Variants in PRKG1 observed in about 807,000 individuals in gnomAD.
The protein encoded by PRKG1 is protein kinase cGMP-dependent 1.
A neutral mutation model predicts 88.1 loss-of-function variants in PRKG1; 35 were observed. The observed-to-expected ratio is 0.40, with a 90% confidence interval of 0.30 to 0.53. The LOEUF (loss-of-function observed/expected upper bound fraction) is 0.53, where lower values mean the gene tolerates loss of function less well. PRKG1 is among the 20% of genes least tolerant of loss of function. The probability of loss-of-function intolerance (pLI) is 0.59; values close to 1 mark genes in which losing one functional copy is unlikely to be tolerated. For synonymous variants in PRKG1, 303 were observed against 292.5 expected (o/e 1.04, Z -0.37); for missense variants, 540 against 839.8 (o/e 0.64, Z 4.41).
At chr10:51,771,887 C>T (rs1432579009) in intron 3 of PRKG1, among the ~76,000 whole-genome samples, 2 of 152,098 alleles carry the variant, frequency 1.3e-5, no homozygotes, top group Non-Finnish European at 2.9e-5. Flanking sequence ...TAACAGTAAT[C>T]ATTACCCCCA....
chr10:51,118,847 G>A (rs1360238526), intron 1 of PRKG1, among the ~76,000 whole-genome samples: 1 of 152,074 alleles, frequency 6.6e-6, no homozygotes, highest in Non-Finnish European at 1.5e-5. Context: ...ATTCTTGCTG[G>A]AACAAGCTAG....
At chr10:51,690,948 AAAAG>A (rs1224290249) in intron 3 of PRKG1, among the ~76,000 whole-genome samples, 1 of 150,342 alleles carries the variant, frequency 6.7e-6, no homozygotes, top group Non-Finnish European at 1.5e-5. Context: ...AAAAAAAAAA[AAAAG>A]AATTACGTTC....
chr10:51,744,680 A>G (rs559139054), intron 3 of PRKG1, among the ~76,000 whole-genome samples: 11 of 152,246 alleles, frequency 7.2e-5, no homozygotes, highest in African/African-American at 2.6e-4. Context: ...GAGATTTTTG[A>G]GCTTTTAAGG....
chr10:51,008,034 A>T (rs1365060315), intron 1 of PRKG1, among the ~76,000 whole-genome samples: 1 of 152,204 alleles, frequency 6.6e-6, no homozygotes, highest in African/African-American at 2.4e-5. Flanking sequence ...GTCTGGCTCT[A>T]GGGCTCTGAC....
At chr10:51,900,104 T>G (rs978487813) in intron 4 of PRKG1, among the ~76,000 whole-genome samples, 1 of 152,160 alleles carries the variant, frequency 6.6e-6, no homozygotes, top group African/African-American at 2.4e-5. Context: ...CTTCTTTTCT[T>G]TGTAAATTAC....
rs964401069 is a variant in PRKG1, at chr10:52,251,889, T to C, written c.1173+223T>C. The C allele has an allele frequency of 2.3e-5, 10 of 440,928 alleles. No individual in the cohort carries two copies. The Admixed American group carries it at 3.5e-4, about 15-fold the overall frequency. 27.3% of individuals were successfully genotyped at this position (440,928 alleles called of 1,614,324 possible). ...AAAAATAAAATAACACCTTGCTTTT[T>C]AGAAAACCTCTTCATATTAAGTGTA... On this transcript the variant is annotated intron_variant, in intron 10 of 17. Transcript: ENST00000373980.
intron 5 of PRKG1, among the ~76,000 whole-genome samples, chr10:51,951,426 T>G (rs1843180915): frequency 6.6e-6 from 1 of 152,232 alleles, no homozygotes; most frequent in South Asian, 2.1e-4. Flanking sequence ...TTAAAATTCT[T>G]AAGCTTAATA....
chr10:51,961,222 T>C (rs1843439797), intron 5 of PRKG1, among the ~76,000 whole-genome samples: 1 of 152,108 alleles, frequency 6.6e-6, no homozygotes, highest in Non-Finnish European at 1.5e-5. Context: ...CCTTAAATAC[T>C]AAAATCCATG....
At chr10:52,212,139 G>A (rs974103262) in intron 9 of PRKG1, among the ~76,000 whole-genome samples, 2 of 152,056 alleles carry the variant, frequency 1.3e-5, no homozygotes, top group African/African-American at 4.8e-5. Context: ...CCACATGGTC[G>A]GATAACATTT....
At chr10:51,048,017 C>A (rs867510553) in intron 1 of PRKG1, among the ~76,000 whole-genome samples, 2 of 152,102 alleles carry the variant, frequency 1.3e-5, no homozygotes, top group African/African-American at 4.8e-5. Flanking sequence ...CTGAAATAGC[C>A]AGAAGTGGCC....
intron 3 of PRKG1, among the ~76,000 whole-genome samples, chr10:51,726,668 T>G (rs1320862782): frequency 6.6e-6 from 1 of 152,258 alleles, no homozygotes; most frequent in Non-Finnish European, 1.5e-5. Flanking sequence ...CTGTTCATAG[T>G]TGTTGTACCC....
At chr10:51,349,661 C>T (rs1245748470) in intron 2 of PRKG1, among the ~76,000 whole-genome samples, 25 of 151,940 alleles carry the variant, frequency 1.6e-4, no homozygotes, top group Admixed American at 1.6e-3. Context: ...CATGCACCAC[C>T]ACGCCCAGCT....
chr10:51,116,101 G>T (rs182471381), intron 1 of PRKG1, among the ~76,000 whole-genome samples: 1 of 152,092 alleles, frequency 6.6e-6, no homozygotes, highest in African/African-American at 2.4e-5. Flanking sequence ...TCTGCCAGTC[G>T]GTAACTAATT....
chr10:51,167,880 T>C lies in PRKG1; in HGVS notation c.478+14550T>C, dbSNP rs553202527. On this transcript the variant is annotated intron_variant, in intron 2 of 17. Coordinates refer to ENST00000373980, the MANE Select transcript of PRKG1 (RefSeq NM_006258.4). ...CAGATATATATTCCTGAAAGCTCAA[T>C]TGAGAGATGAGAATGTGGAGGTAGT... 2.6e-5 allele frequency among the ~76,000 whole-genome samples: 4 copies of C among 152,216 alleles called. No homozygotes were observed. The South Asian group carries it at 6.2e-4, about 24-fold the overall frequency.
At chr10:51,840,787 C>T (rs1255102955) in intron 4 of PRKG1, among the ~76,000 whole-genome samples, 1 of 152,102 alleles carries the variant, frequency 6.6e-6, no homozygotes. Context: ...CTCAGGTGAC[C>T]TGCCCGCCTT....
rs1011530416 is a variant in PRKG1 at position 51,392,546 on chromosome 10, C to G, written c.479-75177C>G. Among the ~76,000 whole-genome samples, 239 of 152,170 alleles carry G rather than the reference C, an allele frequency of 1.6e-3. 1 individual carries two copies. Among genetic ancestry groups the G allele is most frequent in the African/African-American group, 5.6e-3 (234 of 41,522 alleles). Reference sequence around the variant, plus strand: ...ATGTCTACTTCTTTCTACACAGACACGGCAACCATCCGATTTCTCAATCTT... The same window carrying G: ...ATGTCTACTTCTTTCTACACAGACAGGGCAACCATCCGATTTCTCAATCTT... On this transcript the variant is annotated intron_variant, in intron 2 of 17. Transcript: ENST00000373980.
At chr10:52,269,795 C>G (rs1841669141) in intron 10 of PRKG1, among the ~76,000 whole-genome samples, 1 of 152,060 alleles carries the variant, frequency 6.6e-6, no homozygotes, top group South Asian at 2.1e-4. Flanking sequence ...TCTATTACCT[C>G]TCTTGTTTTT....
intron 2 of PRKG1, among the ~76,000 whole-genome samples, chr10:51,404,560 A>G (rs753471699): frequency 1.8e-4 from 28 of 152,232 alleles, no homozygotes; most frequent in Non-Finnish European, 7.3e-5. Flanking sequence ...TAATAGCATG[A>G]TATTTTGCTT....
chr10:51,704,554 A>G (rs922830463), intron 3 of PRKG1, among the ~76,000 whole-genome samples: 6 of 152,212 alleles, frequency 3.9e-5, no homozygotes, highest in Admixed American at 3.3e-4. Flanking sequence ...GTATGTAGAG[A>G]TGGAAGAGAG....
Sources: allele counts gnomAD v4.1 joint callset (sites outside exome capture counted in the v4.1 genomes callset), GRCh38; gene constraint gnomAD v4.1.1; transcripts MANE v1.5; gene names NCBI Gene and HGNC (gene_info 2026-07-23, HGNC 2026-07-21).